The following NR1D2 variants were observed in gnomAD, a reference collection of about 807,000 sequenced individuals.
NR1D2 encodes V-erbA-related protein 1-related.
In NR1D2, 25 loss-of-function variants were observed where a neutral mutation model predicts 52.2. The observed-to-expected ratio is 0.48, with a 90% CI of 0.35 to 0.67. NR1D2 has a LOEUF of 0.67. Among genes scored for constraint, NR1D2 ranks in the 30% least tolerant of loss-of-function variants. NR1D2 has a pLI of 0.01. For missense variants in NR1D2, 681 were observed against 707.2 expected (o/e 0.96, Z 0.42); for synonymous variants, 259 against 230.1 (o/e 1.13, Z -1.14).
chr3:23,946,810 G>A (rs1705737927), intron 1 of NR1D2, among the ~76,000 whole-genome samples: 2 of 152,188 alleles, frequency 1.3e-5, no homozygotes, highest in Admixed American at 1.3e-4. Context: ...CATTGCAACG[G>A]AACAACAGGG....
chr3:23,969,914 G>C (rs995877856), intron 7 of NR1D2, among the ~76,000 whole-genome samples: 1 of 152,124 alleles, frequency 6.6e-6, no homozygotes. Flanking sequence ...GAGAGAGTAC[G>C]AGATAGGGCC....
At chr3:23,975,121 A>G (rs1373364671) in intron 7 of NR1D2, among the ~76,000 whole-genome samples, 1 of 150,136 alleles carries the variant, frequency 6.7e-6, no homozygotes, top group Non-Finnish European at 1.5e-5. Flanking sequence ...GTCCTGCCCA[A>G]CATTCTTTTT....
intron 3 of NR1D2, among the ~76,000 whole-genome samples, chr3:23,956,765 T>C (rs754640224): frequency 6.6e-6 from 1 of 152,186 alleles, no homozygotes; most frequent in South Asian, 2.1e-4. Flanking sequence ...CCTACCTATA[T>C]ACAGGGAATC....
chr3:23,952,290 G>A (rs750470571), intron 1 of NR1D2, among the ~76,000 whole-genome samples: 3 of 152,198 alleles, frequency 2.0e-5, no homozygotes, highest in African/African-American at 7.2e-5. Flanking sequence ...GAGCAGATTT[G>A]CACCTCTCAC....
intron 1 of NR1D2, among the ~76,000 whole-genome samples, chr3:23,948,612 C>A (rs1050367951): frequency 2.0e-5 from 3 of 152,114 alleles, no homozygotes; most frequent in Non-Finnish European, 4.4e-5. Context: ...TTACTCTGTG[C>A]CAGGCCTTTT....
At chr3:23,959,190 G>A (rs1442997087) in intron 3 of NR1D2, among the ~76,000 whole-genome samples, 1 of 151,842 alleles carries the variant, frequency 6.6e-6, no homozygotes, top group African/African-American at 2.4e-5. Context: ...ATTGAGCCAG[G>A]GAGGTCAGGG....
chr3:23,958,766 G>A (rs1481114249), intron 3 of NR1D2, among the ~76,000 whole-genome samples: 1 of 151,752 alleles, frequency 6.6e-6, no homozygotes, highest in Non-Finnish European at 1.5e-5. Context: ...TGGCCAACAT[G>A]GTGAAACCCT....
chr3:23,953,694 C>T (rs939190694), intron 1 of NR1D2, among the ~76,000 whole-genome samples: 4 of 152,130 alleles, frequency 2.6e-5, no homozygotes, highest in African/African-American at 4.8e-5. Flanking sequence ...GAAACGATCC[C>T]TGTTTTGAGA....
intron 3 of NR1D2, among the ~76,000 whole-genome samples, 167 bp from the exon 4 acceptor site, chr3:23,959,504 G>A (rs1219385655): frequency 1.3e-5 from 2 of 152,060 alleles, no homozygotes; most frequent in Non-Finnish European, 2.9e-5. Context: ...AATTCTGTGT[G>A]TCAACATTGT....
chr3:23,965,680 A>G (rs1451118726), intron 6 of NR1D2, among the ~76,000 whole-genome samples: 2 of 151,526 alleles, frequency 1.3e-5, no homozygotes, highest in South Asian at 2.1e-4. Flanking sequence ...AGGATTTTAT[A>G]TATATTTTTT....
chr3:23,969,997 G>A (rs1379964019), intron 7 of NR1D2, among the ~76,000 whole-genome samples: 8 of 152,206 alleles, frequency 5.3e-5, no homozygotes, highest in Non-Finnish European at 8.8e-5. Context: ...TCAGAGTTAG[G>A]GGAGCACCAG....
At chr3:23,967,529 A>G (rs995240613) in intron 6 of NR1D2, among the ~76,000 whole-genome samples, 51 of 151,264 alleles carry the variant, frequency 3.4e-4, no homozygotes, top group African/African-American at 1.2e-3. Flanking sequence ...GGCAGGAGAA[A>G]TGCTTGAACC....
intron 6 of NR1D2, among the ~76,000 whole-genome samples, chr3:23,965,855 G>A (rs927932421): frequency 4.6e-5 from 7 of 152,162 alleles, no homozygotes; most frequent in Non-Finnish European, 8.8e-5. Flanking sequence ...AATAAGAAGG[G>A]CAAATAGAAT....
At position 23,953,061 on chromosome 3, in the gene NR1D2, C is replaced by T. The variant is rs532059388; in HGVS notation, c.17-1476C>T. Among the ~76,000 whole-genome samples the T allele has an allele frequency of 7.3e-5, 11 of 151,232 alleles. No homozygotes were observed. In the South Asian group the frequency reaches 1.5e-3, roughly 20 times the overall value. ...TTTGTTTAAAAATGATTGATAGGCC[C>T]GGTGCGGTGGCTCACACCTGTAATC... On this transcript the variant is annotated intron_variant, in intron 1 of 7. Coordinates refer to ENST00000312521, the MANE Select transcript of NR1D2 (RefSeq NM_005126.5).
At chr3:23,961,464 C>T (rs781585252) in intron 4 of NR1D2, among the ~76,000 whole-genome samples, 12 of 140,564 alleles carry the variant, frequency 8.5e-5, no homozygotes, top group Non-Finnish European at 1.6e-4. Flanking sequence ...GGCACCATCT[C>T]GACGCACTGC....
chr3:23,977,100 A>G (rs1017519018), intron 7 of NR1D2, 123 bp from the exon 8 acceptor site: 10 of 498,472 alleles, frequency 2.0e-5, no homozygotes, highest in Non-Finnish European at 2.3e-5. Context: ...TTTTGCCTTT[A>G]TTCAGATGTA....
chr3:23,960,837 A>G (rs1706216688), intron 4 of NR1D2, among the ~76,000 whole-genome samples: 1 of 152,236 alleles, frequency 6.6e-6, no homozygotes, highest in African/African-American at 2.4e-5. Context: ...TGTTTTTGGT[A>G]GCAATAATGT....
intron 7 of NR1D2, 54 bp downstream of exon 7, chr3:23,968,077 G>A (rs1175371601): frequency 1.4e-6 from 2 of 1,383,866 alleles, no homozygotes; most frequent in East Asian, 4.6e-5. Flanking sequence ...GACCAACTGG[G>A]GAGAAGATGG....
At position 23,975,152 on chromosome 3, in the gene NR1D2, G is replaced by A. The variant is rs141865505; in HGVS notation, c.1544-2071G>A. On this transcript the variant is annotated intron_variant, in intron 7 of 7. Transcript: ENST00000312521. The stretch of plus-strand genomic sequence containing the variant: ...TTTTTATTTTTTGAGACAGCATCTC[G>A]CTCTGTCACCCAGACTGGAGTGCAG... Among the ~76,000 whole-genome samples the A allele has an allele frequency of 4.8e-3, 726 of 150,982 alleles. 2 individuals are homozygous for A. Among genetic ancestry groups the A allele is most frequent in the African/African-American group, 0.016 (678 of 41,106 alleles).
Sources: gnomAD v4.1 joint callset for allele counts (sites outside exome capture counted in the v4.1 genomes callset) on GRCh38, gnomAD v4.1.1 for gene constraint, MANE v1.5 for transcripts, NCBI Gene and HGNC (gene_info 2026-07-23, HGNC 2026-07-21) for gene names.